AUTS2: variants seen among roughly 807,000 people sequenced by gnomAD.
AUTS2 encodes the protein autism susceptibility gene 2 protein.
Under a neutral mutation model 112.4 loss-of-function variants are expected in AUTS2, and 17 were observed. That is an observed-to-expected ratio of 0.15 (90% CI 0.10 to 0.23). The LOEUF (loss-of-function observed/expected upper bound fraction) is 0.23. AUTS2 is among the 10% of genes least tolerant of loss of function. The pLI is 1.00. For missense variants in AUTS2, 1,510 were observed against 1,701.6 expected, an observed-to-expected ratio of 0.89 and a Z score of 1.98; for synonymous variants, 751 against 702.7, an observed-to-expected ratio of 1.07 and a Z score of -1.09.
intron 1 of AUTS2, among the ~76,000 whole-genome samples, chr7:69,690,687 AGGGTGTCACAGTCCT>A (rs1312058200): frequency 6.6e-6 from 1 of 152,164 alleles, no homozygotes; most frequent in Non-Finnish European, 1.5e-5. Flanking sequence ...AACCCCAAAC[AGGGTGTCACAGTCCT>A]GGCTTGTAGA....
chr7:70,579,944 A>C (rs1160677855), intron 5 of AUTS2, among the ~76,000 whole-genome samples: 1 of 152,260 alleles, frequency 6.6e-6, no homozygotes, highest in South Asian at 2.1e-4. Context: ...AGGATGACCA[A>C]CTGCTCTGAG....
At chr7:70,317,919 G>T (rs543837668) in intron 4 of AUTS2, among the ~76,000 whole-genome samples, 18 of 152,192 alleles carry the variant, frequency 1.2e-4, no homozygotes, top group South Asian at 4.2e-4. Flanking sequence ...AATCATCAAG[G>T]TTGAACCATA....
chr7:70,424,577 G>C (rs1461377750), intron 4 of AUTS2, among the ~76,000 whole-genome samples: 1 of 151,856 alleles, frequency 6.6e-6, no homozygotes, highest in Non-Finnish European at 1.5e-5. Context: ...TTTTTTGTTT[G>C]TTTGTTTGTT....
At chr7:70,533,583 T>C (rs1203931775) in intron 5 of AUTS2, among the ~76,000 whole-genome samples, 1 of 152,246 alleles carries the variant, frequency 6.6e-6, no homozygotes, top group Non-Finnish European at 1.5e-5. Context: ...AGCTGTCCCT[T>C]ACATTGTAGC....
At chr7:69,894,694 G>T (rs1313722129) in intron 1 of AUTS2, among the ~76,000 whole-genome samples, 1 of 152,030 alleles carries the variant, frequency 6.6e-6, no homozygotes, top group African/African-American at 2.4e-5. Context: ...TCCCATCTCA[G>T]GTGTTTCTGG....
chr7:70,578,138 A>G (rs1299574579), intron 5 of AUTS2, among the ~76,000 whole-genome samples: 1 of 152,122 alleles, frequency 6.6e-6, no homozygotes, highest in Non-Finnish European at 1.5e-5. Flanking sequence ...CCTTTTGTCC[A>G]TATGTGTTTT....
intron 2 of AUTS2, among the ~76,000 whole-genome samples, chr7:69,902,554 T>C (rs555948401): frequency 6.6e-5 from 10 of 152,322 alleles, no homozygotes; most frequent in African/African-American, 2.4e-4. Context: ...TATTAGGAAA[T>C]GGTACTTCCT....
intron 1 of AUTS2, among the ~76,000 whole-genome samples, chr7:69,679,724 T>C (rs1181995636): frequency 2.0e-5 from 3 of 152,218 alleles, no homozygotes; most frequent in East Asian, 1.9e-4. Flanking sequence ...TTGTAAGATA[T>C]GTGATTGTAT....
At chr7:70,174,598 G>A (rs569055839) in intron 4 of AUTS2, among the ~76,000 whole-genome samples, 32 of 152,302 alleles carry the variant, frequency 2.1e-4, no homozygotes, top group Admixed American at 1.8e-3. Flanking sequence ...CTGACTCTTC[G>A]TAGGAGGCTA....
At chr7:69,713,739 G>A (rs1271926661) in intron 1 of AUTS2, among the ~76,000 whole-genome samples, 2 of 152,124 alleles carry the variant, frequency 1.3e-5, no homozygotes, top group Non-Finnish European at 2.9e-5. Flanking sequence ...GGGATTACAA[G>A]TGTGAACCAC....
chr7:70,547,354 A>G (rs1328312176), intron 5 of AUTS2, among the ~76,000 whole-genome samples: 2 of 152,180 alleles, frequency 1.3e-5, no homozygotes, highest in Non-Finnish European at 2.9e-5. Context: ...TCCCGGGGTC[A>G]AGCGATTCTC....
chr7:70,435,826 T>C (rs777021720), intron 5 of AUTS2, 45 bp downstream of exon 5: 2 of 1,597,220 alleles, frequency 1.3e-6, no homozygotes, highest in East Asian at 4.5e-5. Flanking sequence ...CATAACACAC[T>C]GAACACCAGA....
intron 1 of AUTS2, chr7:69,825,925 G>A (rs780893247): frequency 3.9e-5 from 6 of 152,226 alleles, no homozygotes; most frequent in Non-Finnish European, 7.3e-5. Context: ...TAAGCATCTA[G>A]TCCTTATGAG....
At chr7:69,856,690 A>G (rs566436339) in intron 1 of AUTS2, among the ~76,000 whole-genome samples, 41 of 152,296 alleles carry the variant, frequency 2.7e-4, no homozygotes, top group African/African-American at 9.9e-4. Flanking sequence ...CCTCACACCT[A>G]CTCACTTAAG....
chr7:70,552,277 T>C (rs1801046777), intron 5 of AUTS2, among the ~76,000 whole-genome samples: 1 of 152,224 alleles, frequency 6.6e-6, no homozygotes. Flanking sequence ...ATTAAGCTTT[T>C]TTCCCTCCCA....
intron 5 of AUTS2, among the ~76,000 whole-genome samples, chr7:70,562,834 T>C (rs1801547489): frequency 1.3e-5 from 2 of 152,334 alleles, no homozygotes; most frequent in South Asian, 4.1e-4. Flanking sequence ...AATGAATGAA[T>C]GGACAAATGA....
intron 2 of AUTS2, among the ~76,000 whole-genome samples, chr7:69,923,861 T>G (rs1584448287): frequency 6.6e-6 from 1 of 152,200 alleles, no homozygotes; most frequent in Non-Finnish European, 1.5e-5. Context: ...CTTACTGGAT[T>G]TTCTACATGG....
chr7:70,268,742 T>C (rs1197813966), intron 4 of AUTS2, among the ~76,000 whole-genome samples: 1 of 152,238 alleles, frequency 6.6e-6, no homozygotes, highest in African/African-American at 2.4e-5. Flanking sequence ...TAGTTTATTA[T>C]TATTGCTATT....
At chr7:70,430,466 A>G (rs910373684) in intron 4 of AUTS2, among the ~76,000 whole-genome samples, 2 of 152,236 alleles carry the variant, frequency 1.3e-5, no homozygotes, top group African/African-American at 4.8e-5. Flanking sequence ...ACAGAGAAAT[A>G]TACTAAGGCC....
Sources: gnomAD v4.1 joint callset for allele counts (sites outside exome capture counted in the v4.1 genomes callset) on GRCh38, gnomAD v4.1.1 for gene constraint, MANE v1.5 for transcripts, NCBI Gene and HGNC (gene_info 2026-07-23, HGNC 2026-07-21) for gene names.